POLR2F: variants seen among roughly 807,000 people sequenced by gnomAD.
POLR2F encodes the protein RNA polymerase II, I and III subunit F, also known as DNA-directed RNA polymerases I, II, and III subunit RPABC2.
A neutral mutation model predicts 22.7 loss-of-function variants in POLR2F; 12 were observed. The ratio of observed to expected loss-of-function variants is 0.53; its 90% CI spans 0.34 to 0.86. The LOEUF is 0.86. Ranked by LOEUF, POLR2F falls within the 40% of genes least tolerant of loss-of-function variation. POLR2F has a pLI of 0.02. For missense variants in POLR2F, 126 were observed against 171.5 expected (o/e 0.73, Z 1.48); for synonymous variants, 57 against 66.0 (o/e 0.86, Z 0.66).
chr22:38,027,299 G>A (rs969151718), downstream of POLR2F, among the ~76,000 whole-genome samples: 1 of 152,130 alleles, frequency 6.6e-6, no homozygotes, highest in Admixed American at 6.5e-5. Flanking sequence ...CGCTGAGTTC[G>A]TGTTCTTCTC....
rs568536899 is a variant in POLR2F at position 37,977,734 on chromosome 22, C to G, written c.293+10564C>G. ...ACCCCCATGGAGCTCCCTCTGGGCC[C>G]CTGCAGCTCTGCTGGGGCAACTGCA... is the stretch of plus-strand genomic sequence containing the variant. On this transcript the variant is annotated intron_variant, in intron 4 of 4. Transcript: ENST00000405557. 17 of 987,494 alleles carry G rather than the reference C, an allele frequency of 1.7e-5. No individual in the cohort carries two copies. The Admixed American group carries it at 2.1e-4, about 12-fold the overall frequency. The allele number at this position is 987,494 out of a possible 1,614,324, so 61.2% of individuals were successfully genotyped here.
chr22:38,038,464 C>T (rs1243129547), intron 5 of POLR2F, among the ~76,000 whole-genome samples: 1 of 152,066 alleles, frequency 6.6e-6, no homozygotes, highest in African/African-American at 2.4e-5. Flanking sequence ...GGCTCTGGAC[C>T]CAGGAGCCAC....
At chr22:37,984,155 T>G, upstream of POLR2F, 1 of 167,620 alleles carries the variant, frequency 6.0e-6, no homozygotes, top group Admixed American at 6.4e-5. This position sits in a 1 kb window ranked among gnomAD's most constrained non-coding sequence, Gnocchi z 4.4. Context: ...AGCCTTTATT[T>G]TGCTCTAATC....
At position 37,968,483 on chromosome 22, in the gene POLR2F, G is replaced by C. The variant is rs1490280575; in HGVS notation, c.*768G>C. ...GCTGGTGATCCCCTGAGGCCTTGGG[G>C]ACATGGTGCTGGGGTGGTGGTGCTC... is the stretch of plus-strand genomic sequence containing the variant. On this transcript the variant is annotated 3_prime_UTR_variant, in exon 5 of 5. Transcript: ENST00000442738. 1 of 985,860 alleles carries C rather than the reference G, an allele frequency of 1.0e-6. No individual in the cohort carries two copies. The highest frequency in any genetic ancestry group is 1.2e-6 in the Non-Finnish European group (1 of 830,346). 61.1% of individuals were successfully genotyped at this position (985,860 alleles called of 1,614,324 possible).
At chr22:38,009,686 C>T (rs543421765) in intron 1 of POLR2F, among the ~76,000 whole-genome samples, 2 of 152,220 alleles carry the variant, frequency 1.3e-5, no homozygotes, top group East Asian at 3.9e-4. Context: ...TTCACCCCAC[C>T]CTCTCCCTAG....
At chr22:37,989,792 G>A (rs995403520) in intron 1 of POLR2F, among the ~76,000 whole-genome samples, 10 of 152,320 alleles carry the variant, frequency 6.6e-5, no homozygotes, top group African/African-American at 2.4e-4. Flanking sequence ...CCCCTAGGCT[G>A]CAAGTGCAGC....
At chr22:38,028,658 T>C (rs1276468400), downstream of POLR2F, among the ~76,000 whole-genome samples, 1 of 151,848 alleles carries the variant, frequency 6.6e-6, no homozygotes, top group Non-Finnish European at 1.5e-5. Flanking sequence ...AAAGCAGAAA[T>C]TGGGGAGAGG....
downstream of POLR2F, chr22:37,970,943 C>G: frequency 3.7e-6 from 1 of 269,752 alleles, no homozygotes; most frequent in South Asian, 3.7e-5. Context: ...CGGTTACCAT[C>G]CAGCTTCACG....
At chr22:37,963,656 G>A (rs1192143910) in intron 3 of POLR2F, among the ~76,000 whole-genome samples, 2 of 152,146 alleles carry the variant, frequency 1.3e-5, no homozygotes, top group African/African-American at 4.8e-5. Context: ...ATTCTATGGG[G>A]CACACTAATA....
At chr22:37,977,951 C>T (rs771720673) in intron 4 of POLR2F, 2 of 1,612,612 alleles carry the variant, frequency 1.2e-6, no homozygotes. Context: ...TTGTAGTGGG[C>T]CTGGATGGCG....
At chr22:38,037,554 T>A (rs751036938) in intron 5 of POLR2F, among the ~76,000 whole-genome samples, 5 of 150,892 alleles carry the variant, frequency 3.3e-5, no homozygotes, top group Non-Finnish European at 5.9e-5. Flanking sequence ...GGAATGCAGC[T>A]GTGAGCCACT....
intron 1 of POLR2F, among the ~76,000 whole-genome samples, chr22:38,004,938 C>T (rs1464483180): frequency 6.6e-6 from 1 of 151,384 alleles, no homozygotes; most frequent in African/African-American, 2.4e-5. Flanking sequence ...GAGTGAAACT[C>T]CGTCTCAAAA....
chr22:37,998,011 C>T (rs1002746428), intron 1 of POLR2F, among the ~76,000 whole-genome samples: 1 of 152,170 alleles, frequency 6.6e-6, no homozygotes, highest in African/African-American at 2.4e-5. Context: ...GCCCAGAGAG[C>T]CAAGACGGCT....
chr22:37,986,415 C>T lies in POLR2F; in HGVS notation c.120+103C>T, dbSNP rs1254354099. On this transcript the variant is annotated intron_variant, in intron 1 of 2. Transcript: ENST00000333418. This position sits in a 1 kb window ranked among gnomAD's most constrained non-coding sequence, Gnocchi z 4.7. ...TGACTGGCCTGAGACCCGCCTGGGG[C>T]AGGAGGGGTGGTTGTGGAAGGAAAG... 6 of 1,531,312 alleles carry T rather than the reference C, an allele frequency of 3.9e-6. No individual in the cohort carries two copies. The highest frequency in any genetic ancestry group is 2.4e-5 in the South Asian group (2 of 83,476). 94.9% of individuals were successfully genotyped at this position (1,531,312 alleles called of 1,614,324 possible). A position where few individuals can be genotyped will look rare whatever the true frequency, so the allele number is the denominator to read the frequency against.
chr22:37,993,288 G>A (rs1033846241), intron 1 of POLR2F, among the ~76,000 whole-genome samples: 6 of 152,148 alleles, frequency 3.9e-5, no homozygotes, highest in Admixed American at 2.6e-4. Context: ...AACGACAATG[G>A]GACCAAGTCT....
At position 37,968,412 on chromosome 22, in the gene POLR2F, G is replaced by C; in HGVS notation, c.*697G>C. 6.1e-6 allele frequency: 6 copies of C among 985,892 alleles called. No individual in the cohort carries two copies. The highest frequency in any genetic ancestry group is 7.2e-6 in the Non-Finnish European group (6 of 830,202). 61.1% of individuals were successfully genotyped at this position (985,892 alleles called of 1,614,324 possible). On this transcript the variant is annotated 3_prime_UTR_variant, in exon 5 of 5. Transcript: ENST00000442738. Reference sequence around the variant, plus strand: ...CACCTCTTTGGTGTGCCACACCCATGCCTTCTTCCTAGCCTCTATAAGATA... The same window carrying C: ...CACCTCTTTGGTGTGCCACACCCATCCCTTCTTCCTAGCCTCTATAAGATA...
chr22:37,973,428 G>T, downstream of POLR2F: 1 of 1,073,770 alleles, frequency 9.3e-7, no homozygotes, highest in Non-Finnish European at 1.3e-6. Context: ...GCCTGAGGTG[G>T]GCAAGGAACA....
intron 1 of POLR2F, among the ~76,000 whole-genome samples, chr22:38,009,830 ATGT>A (rs137870382): frequency 0.021 from 3,231 of 152,280 alleles, 119 homozygotes; most frequent in African/African-American, 0.074. Context: ...AGATTTATCC[ATGT>A]TGTTGTGTGT....
intron 2 of POLR2F, among the ~76,000 whole-genome samples, chr22:37,958,797 A>G (rs1167610996): frequency 6.6e-6 from 1 of 152,130 alleles, no homozygotes; most frequent in African/African-American, 2.4e-5. Flanking sequence ...TTAGACCATT[A>G]ATTGAGAGCA....
Sources: allele counts gnomAD v4.1 joint callset (sites outside exome capture counted in the v4.1 genomes callset), GRCh38; gene constraint gnomAD v4.1.1; non-coding constraint Gnocchi (gnomAD v3.1); transcripts MANE v1.5; gene names NCBI Gene and HGNC (gene_info 2026-07-23, HGNC 2026-07-21).